The following SH3BP2 variants were observed in gnomAD, a reference collection of about 807,000 sequenced individuals.
The protein encoded by SH3BP2 is SH3 domain-binding protein 2.
A neutral mutation model predicts 56.2 loss-of-function variants in SH3BP2; 38 were observed. That is an observed-to-expected ratio of 0.68 (90% confidence interval 0.52 to 0.89). The LOEUF is 0.89. Among genes scored for constraint, SH3BP2 ranks in the 40% least tolerant of loss-of-function variants. The pLI is 0.00. For missense variants in SH3BP2, 748 were observed against 762.6 expected (o/e 0.98, Z 0.23); for synonymous variants, 346 against 316.7 (o/e 1.09, Z -0.98).
rs182055659 is a variant in SH3BP2 at position 2,799,182 on chromosome 4, A to G, written c.-5+6044A>G. 7.3e-5 allele frequency: 72 copies of G among 985,006 alleles called. No individual in the cohort carries two copies. The African/African-American group carries it at 1.2e-3, about 16-fold the overall frequency. 61.0% of individuals were successfully genotyped at this position (985,006 alleles called of 1,614,324 possible). On this transcript the variant is annotated intron_variant, in intron 1 of 12. Coordinates refer to ENST00000503393, the MANE Select transcript of SH3BP2 (RefSeq NM_001122681.2). Reference sequence around the variant, plus strand: ...CCCCACAGGTGGCTCCTTCCTCCCCACCGGAGGAGCTGCTCCCAGGCGGGA... The same window carrying G: ...CCCCACAGGTGGCTCCTTCCTCCCCGCCGGAGGAGCTGCTCCCAGGCGGGA...
chr4:2,814,365 C>A (rs1723899299), intron 1 of SH3BP2, among the ~76,000 whole-genome samples: 1 of 152,166 alleles, frequency 6.6e-6, no homozygotes, highest in Non-Finnish European at 1.5e-5. Context: ...CTGCTCTGCC[C>A]CCCACCGCAG....
chr4:2,800,431 G>T (rs1445184304), intron 1 of SH3BP2, among the ~76,000 whole-genome samples: 1 of 152,202 alleles, frequency 6.6e-6, no homozygotes, highest in Non-Finnish European at 1.5e-5. Flanking sequence ...CCCCGTGGCT[G>T]CTTCCCAGCC....
At chr4:2,830,606 G>T (rs569623414) in intron 8 of SH3BP2, among the ~76,000 whole-genome samples, 1 of 152,196 alleles carries the variant, frequency 6.6e-6, no homozygotes, top group Non-Finnish European at 1.5e-5. Flanking sequence ...CAAGTGATCC[G>T]CCTGCCTCGG....
At chr4:2,818,672 G>A (rs1035859470) in intron 1 of SH3BP2, 7 of 988,854 alleles carry the variant, frequency 7.1e-6, no homozygotes, top group African/African-American at 3.5e-5. Flanking sequence ...CGGGCCGGGC[G>A]CGGTTGGGCG....
At chr4:2,833,232 G>C (rs1047178580) in intron 12 of SH3BP2, 183 bp downstream of exon 12, 28 of 666,512 alleles carry the variant, frequency 4.2e-5, no homozygotes, top group Non-Finnish European at 6.2e-5. Flanking sequence ...CCCTCCTCTC[G>C]TGGCCTACCT....
intron 2 of SH3BP2, 26 bp downstream of exon 2, chr4:2,820,779 A>G: frequency 1.2e-6 from 2 of 1,606,064 alleles, no homozygotes. Context: ...GGTAGGGTGC[A>G]CAGTAGGAGG....
At chr4:2,826,649 C>G (rs1157813698) in intron 5 of SH3BP2, 2 of 316,084 alleles carry the variant, frequency 6.3e-6, no homozygotes, top group African/African-American at 5.1e-5. Context: ...TGTGTGTGTG[C>G]ATGTCCACGT....
chr4:2,793,961 CTGCTGG>C (rs1722980194), intron 1 of SH3BP2, among the ~76,000 whole-genome samples: 1 of 152,222 alleles, frequency 6.6e-6, no homozygotes, highest in Non-Finnish European at 1.5e-5. Flanking sequence ...GGGGAGCCTT[CTGCTGG>C]TGCTCCTTTC....
rs897323148 is a variant in SH3BP2 at position 2,836,774 on chromosome 4, C to G, written c.*2940C>G. 1 of 152,284 alleles carries G rather than the reference C, an allele frequency of 6.6e-6. No homozygotes were observed. Among genetic ancestry groups the G allele is most frequent in the Non-Finnish European group, 1.5e-5 (1 of 68,074 alleles). The allele number at this position is 152,284 out of a possible 1,614,324, so 9.4% of individuals were successfully genotyped here. A position where few individuals can be genotyped will look rare whatever the true frequency, so the allele number is the denominator to read the frequency against. ...TGCCCTCTGGGTCTGTGAGGGTGGG[C>G]TGGCAGGAGGCCTAGGCCTTGCCCT... On this transcript the variant is annotated 3_prime_UTR_variant, in exon 13 of 13. Coordinates refer to ENST00000503393, the MANE Select transcript of SH3BP2 (RefSeq NM_001122681.2).
intron 1 of SH3BP2, among the ~76,000 whole-genome samples, chr4:2,804,228 G>T (rs1226618788): frequency 6.6e-6 from 1 of 152,178 alleles, no homozygotes; most frequent in African/African-American, 2.4e-5. Flanking sequence ...CCGAGTCTCT[G>T]CGGATGCGTG....
chr4:2,831,557 C>T lies in SH3BP2; in HGVS notation c.1242-14C>T. On this transcript the variant is annotated splice_polypyrimidine_tract_variant and intron_variant, in intron 8 of 12. Coordinates refer to ENST00000503393, the MANE Select transcript of SH3BP2 (RefSeq NM_001122681.2). The surrounding 1 kb of genome is among the most constrained non-coding windows in gnomAD (Gnocchi z 4.1). ...CAGTGAAATGGTCCTGCCTTCCTCT[C>T]CCTGCCCCTCCAGGCGATCACCCCC... 6.4e-7 allele frequency: 1 copy of T among 1,557,586 alleles called. No individual in the cohort carries two copies. The highest frequency in any genetic ancestry group is 8.7e-7 in the Non-Finnish European group (1 of 1,148,366).
intron 2 of SH3BP2, 49 bp downstream of exon 2, chr4:2,820,802 G>T: frequency 1.3e-6 from 2 of 1,562,686 alleles, no homozygotes; most frequent in Non-Finnish European, 1.7e-6. Flanking sequence ...ATGGGGGCAG[G>T]GCTAGCCATG....
chr4:2,829,776 C>T lies in SH3BP2; in HGVS notation c.870C>T (p.Gly290=), dbSNP rs779176176. ...TGAGCACCATGCCCACCGCACCCGG[C>T]CTCCGGAAACCCCCTTGCTTCCGGG... The part of the protein sequence containing the change: ...PPLSTMPTAP[G]LRKPPCFRES... Residue 290 remains glycine, a synonymous_variant, in exon 8 of 13, where the codon GGC becomes GGT. Transcript: ENST00000503393. This position sits in a 1 kb window ranked among gnomAD's most constrained non-coding sequence, Gnocchi z 4.9. 1 of 1,613,206 alleles carries T rather than the reference C, an allele frequency of 6.2e-7. No homozygotes were observed. Among genetic ancestry groups the T allele is most frequent in the Admixed American group, 1.7e-5 (1 of 60,020 alleles).
At chr4:2,830,655 G>A (rs565908146) in intron 8 of SH3BP2, among the ~76,000 whole-genome samples, 5 of 152,346 alleles carry the variant, frequency 3.3e-5, no homozygotes, top group East Asian at 1.9e-4. Context: ...GAGCCACCGC[G>A]TCCTGCTGAA....
intron 1 of SH3BP2, among the ~76,000 whole-genome samples, chr4:2,797,949 G>C (rs568037738): frequency 6.6e-6 from 1 of 152,374 alleles, no homozygotes; most frequent in Non-Finnish European, 1.5e-5. Context: ...TAATGTGCCA[G>C]TCAGCCTGGC....
intron 1 of SH3BP2, chr4:2,819,031 C>T (rs1724157375): frequency 9.0e-6 from 3 of 334,160 alleles, no homozygotes; most frequent in South Asian, 1.2e-4. Context: ...ACTCCTGGCT[C>T]AATCGATCCT....
At chr4:2,822,024 C>CCCG (rs1724335375) in intron 2 of SH3BP2, among the ~76,000 whole-genome samples, 1 of 151,962 alleles carries the variant, frequency 6.6e-6, no homozygotes, top group Non-Finnish European at 1.5e-5. Flanking sequence ...TGTGCCACCA[C>CCCG]GCCCAGCTAA....
chr4:2,812,033 G>A, intron 1 of SH3BP2: 2 of 504,026 alleles, frequency 4.0e-6, no homozygotes, highest in Non-Finnish European at 6.3e-6. Flanking sequence ...GAGGCAGCAG[G>A]GAGCTTCCTC....
chr4:2,795,410 TCCTCTCTTGA>T lies in SH3BP2; in HGVS notation c.-5+2277_-5+2286del, dbSNP rs200693922. 3.4e-3 allele frequency among the ~76,000 whole-genome samples: 521 copies of T among 152,326 alleles called. 3 individuals are homozygous for T. Among genetic ancestry groups the T allele is most frequent in the African/African-American group, 0.012 (510 of 41,578 alleles). On this transcript the variant is annotated intron_variant, in intron 1 of 12. Transcript: ENST00000503393. ...CAGGCTCTGCCCTCCTCACTCTCTG[TCCTCTCTTGA>T]CCTCATGATCTGCCCACCTCCCAAA...
Sources: allele counts gnomAD v4.1 joint callset (sites outside exome capture counted in the v4.1 genomes callset), GRCh38; gene constraint gnomAD v4.1.1; non-coding constraint Gnocchi (gnomAD v3.1); transcripts MANE v1.5; gene names NCBI Gene and HGNC (gene_info 2026-07-23, HGNC 2026-07-21).